NUP205: variants seen among roughly 807,000 people sequenced by gnomAD.
The protein encoded by NUP205 is nuclear pore complex protein Nup205.
In NUP205, 76 loss-of-function variants were observed where a neutral mutation model predicts 253.8. That is an observed-to-expected ratio of 0.30 (90% CI 0.25 to 0.36). The LOEUF (loss-of-function observed/expected upper bound fraction) is 0.36, where lower values mean the gene tolerates loss of function less well. NUP205 is among the 10% of genes least tolerant of loss of function. The pLI is 1.00. For synonymous variants in NUP205, 832 were observed against 850.1 expected, an observed-to-expected ratio of 0.98 and a Z score of 0.37; for missense variants, 2,162 against 2,425.5, an observed-to-expected ratio of 0.89 and a Z score of 2.28.
chr7:135,576,098 T>A (rs1806142492), intron 3 of NUP205, among the ~76,000 whole-genome samples, 172 bp from the exon 4 acceptor site: 1 of 152,180 alleles, frequency 6.6e-6, no homozygotes, highest in Admixed American at 6.5e-5. Flanking sequence ...CCCTCGAATA[T>A]GTTGAGCAAG....
chr7:135,623,083 G>T (rs2129491601), intron 31 of NUP205, among the ~76,000 whole-genome samples, 158 bp downstream of exon 31: 1 of 152,242 alleles, frequency 6.6e-6, no homozygotes, highest in Middle Eastern at 3.4e-3. Flanking sequence ...TTTGAGACTA[G>T]CCTGGGCAAC....
intron 35 of NUP205, among the ~76,000 whole-genome samples, chr7:135,631,739 T>C (rs570767235): frequency 2.1e-4 from 25 of 117,572 alleles, no homozygotes; most frequent in Middle Eastern, 5.6e-3. Context: ...TTTTTTTTTT[T>C]CTTTCTTTCT....
chr7:135,581,154 C>G (rs923711963), intron 7 of NUP205, among the ~76,000 whole-genome samples: 1 of 152,196 alleles, frequency 6.6e-6, no homozygotes, highest in African/African-American at 2.4e-5. Flanking sequence ...ATAATCCAGA[C>G]AAGTTTTAAC....
At position 135,604,350 on chromosome 7, in the gene NUP205, C is replaced by T; in HGVS notation, c.2713C>T (p.His905Tyr). 6.2e-7 allele frequency: 1 copy of T among 1,607,944 alleles called. No individual in the cohort carries two copies. Among genetic ancestry groups the T allele is most frequent in the Non-Finnish European group, 8.5e-7 (1 of 1,178,194 alleles). The change falls in exon 19 of 43, where the codon CAT becomes TAT. Residue 905 changes from histidine (H) to tyrosine (Y), a missense_variant. This residue lies in a region of NUP205 where 892 missense variants were observed against 957.1 expected (regional missense o/e 0.93). Coordinates refer to ENST00000285968, the MANE Select transcript of NUP205 (RefSeq NM_015135.3). ...TTCTTTTCTTTAAAGATACCTATATCATGGCAATACTAATCCAGAATTGGC... is the reference window on the plus strand; with the variant it reads ...TTCTTTTCTTTAAAGATACCTATATTATGGCAATACTAATCCAGAATTGGC... ...NVVNIARYLY[H>Y]GNTNPELAFE...
At chr7:135,611,576 G>A (rs1481038792) in intron 22 of NUP205, among the ~76,000 whole-genome samples, 1 of 151,420 alleles carries the variant, frequency 6.6e-6, no homozygotes, top group Non-Finnish European at 1.5e-5. Flanking sequence ...ATGAAATTTT[G>A]TGTCTTTTTT....
intron 1 of NUP205, among the ~76,000 whole-genome samples, chr7:135,560,330 C>T (rs1273540076): frequency 1.3e-5 from 2 of 152,100 alleles, no homozygotes; most frequent in Non-Finnish European, 2.9e-5. Context: ...TCGCCCTAAG[C>T]TATTATAATT....
intron 13 of NUP205, among the ~76,000 whole-genome samples, chr7:135,596,635 G>A (rs949028772): frequency 1.3e-5 from 2 of 151,948 alleles, no homozygotes; most frequent in Admixed American, 6.6e-5. Context: ...CAAAACTTGA[G>A]CCTCCTTTAA....
intron 17 of NUP205, among the ~76,000 whole-genome samples, chr7:135,602,401 AT>A (rs1449650826): frequency 2.0e-5 from 3 of 152,226 alleles, no homozygotes; most frequent in African/African-American, 7.2e-5. Context: ...TGTCCTGTGT[AT>A]TGTAAGCTGG....
intron 7 of NUP205, among the ~76,000 whole-genome samples, chr7:135,583,635 C>T (rs1490740512): frequency 6.6e-6 from 1 of 151,972 alleles, no homozygotes; most frequent in Non-Finnish European, 1.5e-5. Context: ...TGGCGCACAC[C>T]TATAATCCCA....
At chr7:135,642,084 A>G (rs550424887) in intron 38 of NUP205, among the ~76,000 whole-genome samples, 1 of 151,530 alleles carries the variant, frequency 6.6e-6, no homozygotes, top group South Asian at 2.1e-4. Context: ...GTGAAACCCC[A>G]TCTCTACTAA....
intron 24 of NUP205, 36 bp downstream of exon 24, chr7:135,616,101 T>G: frequency 1.3e-6 from 2 of 1,581,628 alleles, no homozygotes; most frequent in Admixed American, 3.5e-5. Context: ...TGCTGGTGAC[T>G]AGTTGTCGTG....
intron 1 of NUP205, among the ~76,000 whole-genome samples, chr7:135,570,857 T>TAA (rs1554456603): frequency 1.0e-4 from 12 of 115,060 alleles, no homozygotes; most frequent in African/African-American, 3.7e-4. Context: ...ACATATATTA[T>TAA]ATATAAATAT....
At chr7:135,561,992 A>G (rs1287672052) in intron 1 of NUP205, among the ~76,000 whole-genome samples, 1 of 149,186 alleles carries the variant, frequency 6.7e-6, no homozygotes, top group African/African-American at 2.5e-5. Context: ...GTCTCGGCTC[A>G]CTGCAGTCTC....
At chr7:135,559,835 G>A (rs1805533530) in intron 1 of NUP205, among the ~76,000 whole-genome samples, 1 of 151,930 alleles carries the variant, frequency 6.6e-6, no homozygotes, top group Non-Finnish European at 1.5e-5. Context: ...GGGATTACAG[G>A]CGCCCGCCAC....
chr7:135,638,432 A>AAAT, intron 37 of NUP205, 125 bp from the exon 38 acceptor site: 1 of 845,268 alleles, frequency 1.2e-6, no homozygotes, highest in Non-Finnish European at 1.8e-6. Context: ...AAAAAAAAAA[A>AAAT]GAATACACAG....
intron 27 of NUP205, 65 bp downstream of exon 27, chr7:135,617,747 T>C (rs1794391555): frequency 1.0e-6 from 1 of 960,412 alleles, no homozygotes; most frequent in Non-Finnish European, 1.6e-6. Context: ...GTGAAAAGAC[T>C]AAAATAGTAT....
At position 135,562,173 on chromosome 7, in the gene NUP205, G is replaced by T. The variant is rs567261030; in HGVS notation, c.28+4201G>T. ...TCAATAGGGTTAACTTCTGTTTCTT[G>T]TAGTTCAGAAAGTTCCTTTTTAAAA... is the stretch of plus-strand genomic sequence containing the variant. On this transcript the variant is annotated intron_variant, in intron 1 of 42. Transcript: ENST00000285968. 2.0e-5 allele frequency among the ~76,000 whole-genome samples: 3 copies of T among 152,130 alleles called. No homozygotes were observed. In the East Asian group the frequency reaches 5.8e-4, roughly 29 times the overall value.
chr7:135,610,401 G>C (rs1427865562), intron 22 of NUP205, among the ~76,000 whole-genome samples: 1 of 152,162 alleles, frequency 6.6e-6, no homozygotes, highest in Non-Finnish European at 1.5e-5. Context: ...TGTATTTTTA[G>C]TAGAGAGGGG....
In NUP205 at chr7:135,592,498, A is replaced by G. The variant is rs74443282; in HGVS notation, c.1625-489A>G. Among the ~76,000 whole-genome samples the G allele has an allele frequency of 2.8e-3, 427 of 152,372 alleles. 9 individuals are homozygous for G. In the East Asian group the frequency reaches 0.051, roughly 18 times the overall value. On this transcript the variant is annotated intron_variant, in intron 11 of 42. Coordinates refer to ENST00000285968, the MANE Select transcript of NUP205 (RefSeq NM_015135.3). ...GTTAATCCAGAGGAAAAATTAATCC[A>G]GAGTTCTAGCTCACAGAGGGATTCT...
Sources: allele counts gnomAD v4.1 joint callset (sites outside exome capture counted in the v4.1 genomes callset), GRCh38; gene constraint gnomAD v4.1.1; regional missense constraint gnomAD v4.1.1; transcripts MANE v1.5; gene names NCBI Gene and HGNC (gene_info 2026-07-23, HGNC 2026-07-21).